ATP6V0A1: variants seen among roughly 807,000 people sequenced by gnomAD.
ATP6V0A1 encodes V-type proton ATPase 116 kDa subunit a 1.
ATP6V0A1 carries 43 observed loss-of-function variants against 105.4 expected under a neutral mutation model. The observed-to-expected ratio is 0.41, with a 90% confidence interval of 0.32 to 0.53. ATP6V0A1 has a LOEUF of 0.53. Among genes scored for constraint, ATP6V0A1 ranks in the 20% least tolerant of loss-of-function variants. The pLI is 0.30. For missense variants in ATP6V0A1, 676 were observed against 1,051.1 expected, an observed-to-expected ratio of 0.64 and a Z score of 4.93; for synonymous variants, 362 against 372.8, an observed-to-expected ratio of 0.97 and a Z score of 0.33.
intron 10 of ATP6V0A1, 107 bp from the exon 11 acceptor site, chr17:42,490,380 C>T (rs1046272682): frequency 3.1e-6 from 3 of 970,976 alleles, no homozygotes; most frequent in Admixed American, 3.3e-5. Context: ...AAAATACATA[C>T]ATTTTATGTG....
At chr17:42,505,559 C>T (rs9904840) in intron 17 of ATP6V0A1, among the ~76,000 whole-genome samples, 39,577 of 150,940 alleles carry the variant, frequency 0.26, 5,456 homozygotes, top group African/African-American at 0.33. Flanking sequence ...GGGCTGGTCT[C>T]GAACTCCTGA....
chr17:42,502,757 T>G (rs1407963046), intron 17 of ATP6V0A1: 1 of 152,660 alleles, frequency 6.6e-6, no homozygotes, highest in Non-Finnish European at 1.5e-5. Flanking sequence ...CTCTTTTGTT[T>G]TCTTTCCCCT....
At chr17:42,483,262 G>T in intron 9 of ATP6V0A1, 131 bp downstream of exon 9, 1 of 542,042 alleles carries the variant, frequency 1.8e-6, no homozygotes, top group Non-Finnish European at 2.9e-6. Flanking sequence ...AAATGTACAT[G>T]GGTAATATGT....
At chr17:42,486,944 C>T (rs1326186097) in intron 9 of ATP6V0A1, among the ~76,000 whole-genome samples, 2 of 152,130 alleles carry the variant, frequency 1.3e-5, no homozygotes, top group East Asian at 3.9e-4. Context: ...TCTCAGGTTT[C>T]TTTTTAGGTT....
chr17:42,485,102 G>A (rs1304874838), intron 9 of ATP6V0A1, among the ~76,000 whole-genome samples: 8 of 151,970 alleles, frequency 5.3e-5, no homozygotes, highest in South Asian at 2.1e-4. Flanking sequence ...TGCCTGCCTC[G>A]GCCTCCCAAA....
chr17:42,502,496 G>GCA (rs368754662), intron 17 of ATP6V0A1, among the ~76,000 whole-genome samples: 2,892 of 150,306 alleles, frequency 0.019, 93 homozygotes, highest in African/African-American at 0.054. Context: ...TTCTGCGCGC[G>GCA]CACACACACA....
chr17:42,500,821 T>C lies in ATP6V0A1; in HGVS notation c.1794T>C (p.Asp598=). Residue 598 remains aspartate (D), a synonymous_variant, in exon 16 of 22, where the codon GAT becomes GAC. Coordinates refer to ENST00000343619, the MANE Select transcript of ATP6V0A1 (RefSeq NM_001130021.3). ...TTTTTTACAAGTGGACGGCCTATGA[T>C]GCTCATACCTCTGAGAATGCACCAA... ...ILIFYKWTAY[D]AHTSENAPSL... 6.2e-7 allele frequency: 1 copy of C among 1,614,112 alleles called. No individual in the cohort carries two copies. Among genetic ancestry groups the C allele is most frequent in the Non-Finnish European group, 8.5e-7 (1 of 1,179,916 alleles).
At chr17:42,494,955 C>A in intron 12 of ATP6V0A1, 79 bp from the exon 13 acceptor site, 2 of 1,442,556 alleles carry the variant, frequency 1.4e-6, no homozygotes, top group Non-Finnish European at 9.6e-7. Flanking sequence ...GAGAAAGGGG[C>A]AGGTATATTC....
At chr17:42,466,383 A>G (rs1368338657) in intron 2 of ATP6V0A1, 46 bp from the exon 3 acceptor site, 3 of 1,499,410 alleles carry the variant, frequency 2.0e-6, no homozygotes, top group Admixed American at 1.7e-5. Context: ...AACAGAAGAA[A>G]TAGATACAAT....
At chr17:42,482,957 G>A in intron 8 of ATP6V0A1, 81 bp from the exon 9 acceptor site, 1 of 921,196 alleles carries the variant, frequency 1.1e-6, no homozygotes, top group Non-Finnish European at 1.5e-6. Context: ...TCCTGTTTTG[G>A]TCCTTCTGGT....
At chr17:42,494,250 G>A (rs1012841623) in intron 11 of ATP6V0A1, 84 bp from the exon 12 acceptor site, 2 of 1,373,534 alleles carry the variant, frequency 1.5e-6, no homozygotes, top group African/African-American at 1.5e-5. Context: ...AAAAAGGGGG[G>A]TGGGTATGGA....
chr17:42,486,436 A>G (rs747380362), intron 9 of ATP6V0A1, among the ~76,000 whole-genome samples: 45 of 152,162 alleles, frequency 3.0e-4, no homozygotes, highest in Admixed American at 4.6e-4. Flanking sequence ...AATATTTGGT[A>G]TTAAGCCAGT....
rs1311497633 is a variant in ATP6V0A1, at chr17:42,466,456, C to T, written c.145C>T (p.Arg49Trp). The T allele has an allele frequency of 2.5e-6, 4 of 1,612,932 alleles. No individual in the cohort carries two copies. Among genetic ancestry groups the T allele is most frequent in the Non-Finnish European group, 3.4e-6 (4 of 1,179,108 alleles). Residue 49 changes from arginine (R) to tryptophan (W), a missense_variant, in exon 3 of 22, where the codon CGG becomes TGG. By Grantham distance (101) the Arg-to-Trp change is moderately radical. Transcript: ENST00000343619. ...DLNPDVNVFQ[R>W]KFVNEVRRCE... ...AAATCCAGATGTGAATGTTTTCCAACGGAAATTTGTGAATGAAGTTAGAAG... is the reference window on the plus strand; with the variant it reads ...AAATCCAGATGTGAATGTTTTCCAATGGAAATTTGTGAATGAAGTTAGAAG...
At chr17:42,472,904 A>G (rs1372355686) in intron 5 of ATP6V0A1, among the ~76,000 whole-genome samples, 1 of 152,152 alleles carries the variant, frequency 6.6e-6, no homozygotes, top group East Asian at 1.9e-4. Flanking sequence ...TGAATCAGAC[A>G]CTGTGGGAGT....
intron 1 of ATP6V0A1, among the ~76,000 whole-genome samples, chr17:42,459,879 T>C (rs1184704727): frequency 6.6e-6 from 1 of 152,226 alleles, no homozygotes; most frequent in East Asian, 1.9e-4. Context: ...GTCAGACTCA[T>C]CTATCAGTAC....
intron 7 of ATP6V0A1, 128 bp downstream of exon 7, chr17:42,478,717 T>G (rs964278651): frequency 9.4e-7 from 1 of 1,062,754 alleles, no homozygotes; most frequent in South Asian, 2.3e-5. Flanking sequence ...CTGCTCTAAT[T>G]GGAGAATTTG....
intron 19 of ATP6V0A1, 90 bp from the exon 20 acceptor site, chr17:42,513,771 A>C (rs952463801): frequency 2.0e-5 from 25 of 1,248,996 alleles, no homozygotes; most frequent in Middle Eastern, 1.9e-4. Flanking sequence ...GCCCTGGCCC[A>C]GGTTCAAAGC....
chr17:42,491,757 A>G (rs2145986154), intron 11 of ATP6V0A1, among the ~76,000 whole-genome samples: 1 of 152,288 alleles, frequency 6.6e-6, no homozygotes, highest in Middle Eastern at 3.4e-3. Flanking sequence ...TGCTGGGATT[A>G]CAGACGTGAG....
In ATP6V0A1 at chr17:42,465,579, C is replaced by T. The variant is rs146293364; in HGVS notation, c.118-850C>T. Among the ~76,000 whole-genome samples the T allele has an allele frequency of 4.0e-3, 610 of 152,090 alleles. 10 individuals carry two copies. Among genetic ancestry groups the T allele is most frequent in the African/African-American group, 0.014 (578 of 41,494 alleles). Reference sequence around the variant, plus strand: ...TGCTGGGATTACAAGCGTGAGCCACCGTGACCGGCCAGATTGCTAGCTTTT... The same window carrying T: ...TGCTGGGATTACAAGCGTGAGCCACTGTGACCGGCCAGATTGCTAGCTTTT... On this transcript the variant is annotated intron_variant, in intron 2 of 21. Transcript: ENST00000343619.
Sources: gnomAD v4.1 joint callset for allele counts (sites outside exome capture counted in the v4.1 genomes callset) on GRCh38, gnomAD v4.1.1 for gene constraint, MANE v1.5 for transcripts, NCBI Gene and HGNC (gene_info 2026-07-23, HGNC 2026-07-21) for gene names.